RAD51D: variants seen among roughly 807,000 people sequenced by gnomAD.
The protein encoded by RAD51D is RAD51 paralog D.
Under a neutral mutation model 44.1 loss-of-function variants are expected in RAD51D, and 38 were observed. The observed-to-expected ratio is 0.86, with a 90% CI of 0.67 to 1.13. The LOEUF (loss-of-function observed/expected upper bound fraction) is 1.13. RAD51D is among the 50% of genes most tolerant of loss of function. RAD51D has a pLI of 0.00. For missense variants in RAD51D, 390 were observed against 414.0 expected (o/e 0.94, Z 0.50); for synonymous variants, 141 against 166.6 (o/e 0.85, Z 1.18).
intron 3 of RAD51D, among the ~76,000 whole-genome samples, chr17:35,114,099 C>T (rs948521203): frequency 4.6e-5 from 7 of 151,938 alleles, no homozygotes; most frequent in Admixed American, 6.6e-5. Context: ...GGTGAAACTC[C>T]GTCTCTACTA....
rs111553459 is a variant in RAD51D at position 35,099,534 on chromosome 17, C to T, written c.*1419G>A. The T allele has an allele frequency of 1.0e-4, 28 of 272,052 alleles. No homozygotes were observed. Among genetic ancestry groups the T allele is most frequent in the African/African-American group, 2.2e-4 (10 of 45,810 alleles). The allele number at this position is 272,052 out of a possible 1,614,324, so 16.9% of individuals were successfully genotyped here. On this transcript the variant is annotated 3_prime_UTR_variant, in exon 10 of 10. Coordinates refer to ENST00000345365, the MANE Select transcript of RAD51D (RefSeq NM_002878.4). ...TCCTGAGGTCTTCTGTGAAAGCAAG[C>T]GCTAGGATTCCCCCAGGCTTAGGCT... is the stretch of plus-strand genomic sequence containing the variant.
Position 35,119,740 on chromosome 17 carries a change from A to G in RAD51D, c.-127T>C, listed in dbSNP as rs1044453701. 2 of 920,474 alleles carry G rather than the reference A, an allele frequency of 2.2e-6. No homozygotes were observed. Among genetic ancestry groups the G allele is most frequent in the Admixed American group, 3.9e-5 (2 of 51,466 alleles). The allele number at this position is 920,474 out of a possible 1,614,324, so 57.0% of individuals were successfully genotyped here. A position where few individuals can be genotyped will look rare whatever the true frequency, so the allele number is the denominator to read the frequency against. On this transcript the variant is annotated 5_prime_UTR_variant, in exon 1 of 10. Coordinates refer to ENST00000345365, the MANE Select transcript of RAD51D (RefSeq NM_002878.4). ...ACACAGGCGCGCTGGCTGCCGGAGG[A>G]GAAAGGAGAGAGGAGGAGGCGGCAC...
intron 3 of RAD51D, among the ~76,000 whole-genome samples, chr17:35,113,859 G>A (rs1220997256): frequency 6.6e-6 from 1 of 152,140 alleles, no homozygotes; most frequent in Non-Finnish European, 1.5e-5. Context: ...GAAACTCTGG[G>A]AATGCAGCCC....
chr17:35,116,327 C>T (rs751150535), intron 3 of RAD51D, among the ~76,000 whole-genome samples: 3 of 152,214 alleles, frequency 2.0e-5, no homozygotes, highest in Non-Finnish European at 4.4e-5. Flanking sequence ...TCCAGGGAGA[C>T]AGCCGGGCAG....
At position 35,103,431 on chromosome 17, in the gene RAD51D, C is replaced by T. The variant is rs2142419912; in HGVS notation, c.667+23G>A. 1 of 1,613,262 alleles carries T rather than the reference C, an allele frequency of 6.2e-7. No individual in the cohort carries two copies. The highest frequency in any genetic ancestry group is 8.5e-7 in the Non-Finnish European group (1 of 1,179,204). ...GAGGCGAGGTCACATTCCACTGGCC[C>T]CAGGCTCTGCCACATCACTCACCTT... On this transcript the variant is annotated intron_variant, in intron 7 of 9. Transcript: ENST00000345365. This position sits in a 1 kb window ranked among gnomAD's most constrained non-coding sequence, Gnocchi z 4.1.
intron 5 of RAD51D, 99 bp from the exon 6 acceptor site, chr17:35,106,580 A>G: frequency 1.1e-6 from 1 of 870,474 alleles, no homozygotes; most frequent in Non-Finnish European, 1.9e-6. Flanking sequence ...GCAAGGACTC[A>G]GGTCCAGGGT....
chr17:35,108,229 GC>G (rs1006163575), intron 3 of RAD51D, among the ~76,000 whole-genome samples: 1 of 151,576 alleles, frequency 6.6e-6, no homozygotes, highest in African/African-American at 2.4e-5. Flanking sequence ...TGGTGACAGA[GC>G]AAGACTCTGT....
intron 3 of RAD51D, chr17:35,117,001 G>C (rs1353756786): frequency 1.2e-6 from 2 of 1,613,688 alleles, no homozygotes; most frequent in Non-Finnish European, 1.7e-6. Flanking sequence ...GGCAGCTGCA[G>C]TCCTCCCAGG....
chr17:35,115,312 G>T, intron 3 of RAD51D: 1 of 515,976 alleles, frequency 1.9e-6, no homozygotes. Context: ...CTAAAATGAG[G>T]GGACTGTGGG....
intron 3 of RAD51D, chr17:35,116,835 T>C (rs748111614): frequency 6.7e-7 from 1 of 1,484,892 alleles, no homozygotes; most frequent in Non-Finnish European, 9.2e-7. Flanking sequence ...TTGGTGGTTG[T>C]GACGAATAAA....
At chr17:35,101,871 A>G (rs1275230845) in intron 8 of RAD51D, among the ~76,000 whole-genome samples, 1 of 152,246 alleles carries the variant, frequency 6.6e-6, no homozygotes, top group East Asian at 1.9e-4. Flanking sequence ...TACAGAAAGT[A>G]GAATGGTGGT....
chr17:35,111,315 T>C (rs2091672922), intron 3 of RAD51D, among the ~76,000 whole-genome samples: 1 of 148,066 alleles, frequency 6.8e-6, no homozygotes, highest in African/African-American at 2.5e-5. Flanking sequence ...GATCACGCCA[T>C]TGCACTCCAG....
At chr17:35,117,460 T>C (rs1032485791) in intron 3 of RAD51D, among the ~76,000 whole-genome samples, 4 of 152,184 alleles carry the variant, frequency 2.6e-5, no homozygotes, top group African/African-American at 9.7e-5. Context: ...TTTGCAACTC[T>C]TCCCCAACCC....
At chr17:35,119,364 GAGCTTGGCT>G in intron 1 of RAD51D, 159 bp downstream of exon 1, 1 of 939,654 alleles carries the variant, frequency 1.1e-6, no homozygotes, top group Non-Finnish European at 1.7e-6. Flanking sequence ...CCCTGTTTTA[GAGCTTGGCT>G]CCCCACGCCC....
rs780660248 is a variant in RAD51D at position 35,100,573 on chromosome 17, G to A, written c.*380C>T. 19 of 548,926 alleles carry A rather than the reference G, an allele frequency of 3.5e-5. No individual in the cohort carries two copies. Among genetic ancestry groups the A allele is most frequent in the African/African-American group, 2.2e-4 (12 of 54,214 alleles). The allele number at this position is 548,926 out of a possible 1,614,324, so 34.0% of individuals were successfully genotyped here. A position where few individuals can be genotyped will look rare whatever the true frequency, so the allele number is the denominator to read the frequency against. On this transcript the variant is annotated 3_prime_UTR_variant, in exon 10 of 10. Transcript: ENST00000345365. ...GCAAAGGCAAGTTAGAGGCTTTCCCGGCTTGGCCACTGCGCTAGGAGGGAG... is the reference window on the plus strand; with the variant it reads ...GCAAAGGCAAGTTAGAGGCTTTCCCAGCTTGGCCACTGCGCTAGGAGGGAG...
At position 35,093,697 on chromosome 17, in the gene RAD51D, A is replaced by G. The variant is rs1020718196; in HGVS notation, c.*7256T>C. 2.0e-5 allele frequency: 3 copies of G among 152,254 alleles called. No individual in the cohort carries two copies. The highest frequency in any genetic ancestry group is 7.2e-5 in the African/African-American group (3 of 41,466). The allele number at this position is 152,254 out of a possible 1,614,324, so 9.4% of individuals were successfully genotyped here. A position where few individuals can be genotyped will look rare whatever the true frequency, so the allele number is the denominator to read the frequency against. ...AAATAGTCCACTAAAGTTAGGAACA[A>G]GACAAGGATGATTGTTATTGTTGCT... is the stretch of plus-strand genomic sequence containing the variant. On this transcript the variant is annotated 3_prime_UTR_variant, in exon 10 of 10. Transcript: ENST00000345365.
intron 8 of RAD51D, among the ~76,000 whole-genome samples, chr17:35,102,663 A>G (rs2091554165): frequency 6.6e-6 from 1 of 152,046 alleles, no homozygotes; most frequent in Non-Finnish European, 1.5e-5. Context: ...AAAGTTGGCT[A>G]AAAGTATAAG....
chr17:35,111,197 G>A (rs1248793593), intron 3 of RAD51D, among the ~76,000 whole-genome samples: 1 of 151,602 alleles, frequency 6.6e-6, no homozygotes, highest in Non-Finnish European at 1.5e-5. Flanking sequence ...TGACCAACAT[G>A]GAGAAACCCC....
In RAD51D at chr17:35,099,962, T is replaced by A; in HGVS notation, c.*991A>T. 1.9e-6 allele frequency: 1 copy of A among 527,296 alleles called. No homozygotes were observed. The allele number at this position is 527,296 out of a possible 1,614,324, so 32.7% of individuals were successfully genotyped here. ...GGCAGGAAGAGAGGTGTAATTATAT[T>A]GCATCTTGGAGCCACCAGCAATGAA... On this transcript the variant is annotated 3_prime_UTR_variant, in exon 10 of 10. Coordinates refer to ENST00000345365, the MANE Select transcript of RAD51D (RefSeq NM_002878.4).
Sources: gnomAD v4.1 joint callset for allele counts (sites outside exome capture counted in the v4.1 genomes callset) on GRCh38, gnomAD v4.1.1 for gene constraint, Gnocchi (gnomAD v3.1) non-coding constraint, MANE v1.5 for transcripts, NCBI Gene and HGNC (gene_info 2026-07-23, HGNC 2026-07-21) for gene names.